TTBK2: variants seen among roughly 807,000 people sequenced by gnomAD.
The protein encoded by TTBK2 is tau-tubulin kinase 2.
Under a neutral mutation model 110.8 loss-of-function variants are expected in TTBK2, and 28 were observed. The ratio of observed to expected loss-of-function variants is 0.25; its 90% CI spans 0.19 to 0.35. The LOEUF (loss-of-function observed/expected upper bound fraction) is 0.35. TTBK2 is among the 10% of genes least tolerant of loss of function. TTBK2 has a pLI of 1.00. For missense variants in TTBK2, 1,369 were observed against 1,500.3 expected (o/e 0.91, Z 1.45); for synonymous variants, 532 against 527.3 (o/e 1.01, Z -0.12).
intron 9 of TTBK2, among the ~76,000 whole-genome samples, chr15:42,796,029 G>C (rs1163032162): frequency 1.3e-5 from 2 of 152,104 alleles, no homozygotes; most frequent in Admixed American, 1.3e-4. Flanking sequence ...CACTGGGTCA[G>C]TGCAGTGACA....
At chr15:42,768,792 C>T (rs1351950092) in intron 13 of TTBK2, among the ~76,000 whole-genome samples, 8 of 152,092 alleles carry the variant, frequency 5.3e-5, no homozygotes, top group East Asian at 1.9e-4. Context: ...AAAAAGAGCC[C>T]GCATCGCCAA....
chr15:42,800,226 T>A (rs1195100531), intron 9 of TTBK2: 1 of 418,352 alleles, frequency 2.4e-6, no homozygotes, highest in Non-Finnish European at 4.6e-6. Flanking sequence ...TTTTAATAAC[T>A]AGAAAAAATT....
intron 7 of TTBK2, among the ~76,000 whole-genome samples, chr15:42,816,085 A>ATAT (rs1567040790): frequency 0.011 from 757 of 67,384 alleles, 23 homozygotes; most frequent in African/African-American, 0.024. Context: ...TAAATAAATA[A>ATAT]ATATATATAT....
intron 9 of TTBK2, among the ~76,000 whole-genome samples, chr15:42,806,456 C>T (rs760444285): frequency 2.0e-5 from 3 of 152,168 alleles, no homozygotes; most frequent in South Asian, 2.1e-4. Flanking sequence ...ACACTTCCAA[C>T]GCTTTGTGTT....
intron 3 of TTBK2, among the ~76,000 whole-genome samples, chr15:42,845,755 C>T (rs1360118556): frequency 6.6e-6 from 1 of 151,506 alleles, no homozygotes; most frequent in Non-Finnish European, 1.5e-5. Flanking sequence ...AGAAATGCAT[C>T]CTTGGGTGAT....
At chr15:42,794,845 T>C (rs370332429) in intron 9 of TTBK2, 44 bp from the exon 10 acceptor site, 93 of 1,606,924 alleles carry the variant, frequency 5.8e-5, no homozygotes, top group South Asian at 3.3e-4. Context: ...ACAGTAAACA[T>C]AGTCACTTTA....
In TTBK2 at chr15:42,751,993, T is replaced by G; in HGVS notation, c.3253A>C (p.Arg1085=). The part of the protein sequence containing the change: ...PRPPPGKPPT[R]PGVEARLRRY... ...CATTACCTGGCTTCTACTCCAGGCC[T>G]CGTGGGTGGCTTTCCTGGTGGTGGC... Residue 1085 remains arginine, a synonymous_variant, in exon 14 of 15, where the codon AGG becomes CGG. Transcript: ENST00000267890. The G allele has an allele frequency of 1.2e-6, 2 of 1,614,104 alleles. No individual in the cohort carries two copies. The highest frequency in any genetic ancestry group is 1.7e-6 in the Non-Finnish European group (2 of 1,180,002).
chr15:42,897,823 TACACACACACACACACAC>T (rs60880098), intron 1 of TTBK2, among the ~76,000 whole-genome samples: 5 of 140,662 alleles, frequency 3.6e-5, no homozygotes, highest in Non-Finnish European at 3.1e-5. Flanking sequence ...CCAGTAGTGG[TACACACACACACACACAC>T]ACACACACAC....
intron 1 of TTBK2, among the ~76,000 whole-genome samples, chr15:42,908,732 A>G (rs1274496855): frequency 6.6e-6 from 1 of 152,198 alleles, no homozygotes; most frequent in Non-Finnish European, 1.5e-5. Context: ...GCTGAAGATA[A>G]TGCATACCCT....
chr15:42,906,713 A>G (rs1048232969), intron 1 of TTBK2, among the ~76,000 whole-genome samples: 14 of 152,208 alleles, frequency 9.2e-5, no homozygotes, highest in African/African-American at 3.1e-4. Flanking sequence ...TCCGCACAGC[A>G]AAGGAAACAA....
chr15:42,795,087 G>T (rs929853304), intron 9 of TTBK2, among the ~76,000 whole-genome samples: 1 of 152,166 alleles, frequency 6.6e-6, no homozygotes, highest in Non-Finnish European at 1.5e-5. Flanking sequence ...TGTGTGTTGT[G>T]TGTAAGTGTA....
intron 14 of TTBK2, among the ~76,000 whole-genome samples, chr15:42,749,453 A>C (rs2061836494): frequency 1.3e-5 from 2 of 152,180 alleles, no homozygotes; most frequent in African/African-American, 4.8e-5. Context: ...ACAGCTACCC[A>C]TCCCCCATTC....
intron 13 of TTBK2, among the ~76,000 whole-genome samples, chr15:42,771,147 G>C (rs1889653290): frequency 6.6e-6 from 1 of 151,726 alleles, no homozygotes; most frequent in South Asian, 2.1e-4. Flanking sequence ...CTAGTTTTTT[G>C]TATTTTTAGT....
intron 4 of TTBK2, among the ~76,000 whole-genome samples, chr15:42,833,418 C>T (rs1310136233): frequency 6.6e-6 from 1 of 151,802 alleles, no homozygotes; most frequent in Admixed American, 6.6e-5. Flanking sequence ...ATATAATGAA[C>T]CTTCATGTAT....
intron 1 of TTBK2, among the ~76,000 whole-genome samples, chr15:42,909,005 T>C (rs1357447610): frequency 2.0e-5 from 3 of 152,224 alleles, no homozygotes; most frequent in Non-Finnish European, 4.4e-5. Context: ...TATAATCTAA[T>C]AGCTCTAGAG....
chr15:42,824,655 G>C (rs1184424420), intron 6 of TTBK2, among the ~76,000 whole-genome samples: 2 of 152,098 alleles, frequency 1.3e-5, no homozygotes, highest in Non-Finnish European at 2.9e-5. Flanking sequence ...TAATAAAACA[G>C]TATCTGTTAT....
At chr15:42,799,949 T>C (rs955140436) in intron 9 of TTBK2, among the ~76,000 whole-genome samples, 1 of 152,062 alleles carries the variant, frequency 6.6e-6, no homozygotes, top group African/African-American at 2.4e-5. Context: ...ATACATAAAA[T>C]TAGCCAGGTG....
intron 1 of TTBK2, among the ~76,000 whole-genome samples, chr15:42,908,032 G>A (rs979865736): frequency 1.3e-5 from 2 of 152,132 alleles, no homozygotes; most frequent in African/African-American, 4.8e-5. Context: ...GTTGTGGTGA[G>A]CCAAAATCAT....
In TTBK2 at chr15:42,919,285, A is replaced by T. The variant is rs887898147; in HGVS notation, c.-68+1153T>A. Among the ~76,000 whole-genome samples, 15 of 3,278 alleles carry T rather than the reference A, an allele frequency of 4.6e-3. No homozygotes were observed. The East Asian group carries it at 0.047, about 10-fold the overall frequency. 2.2% of individuals were successfully genotyped at this position (3,278 alleles called of 152,430 possible). On this transcript the variant is annotated intron_variant, in intron 1 of 14. Coordinates refer to ENST00000267890, the MANE Select transcript of TTBK2 (RefSeq NM_173500.4). ...GTCATCATTACTGCTTCTTTATTTA[A>T]AAAAAAAAAGGAAATAAAGCAAGCA... is the stretch of plus-strand genomic sequence containing the variant.
Sources: gnomAD v4.1 joint callset for allele counts (sites outside exome capture counted in the v4.1 genomes callset) on GRCh38, gnomAD v4.1.1 for gene constraint, MANE v1.5 for transcripts, NCBI Gene and HGNC (gene_info 2026-07-23, HGNC 2026-07-21) for gene names.